The following KIF21A variants were observed in gnomAD, a reference collection of about 807,000 sequenced individuals.
KIF21A encodes the protein kinesin-like protein KIF21A.
A neutral mutation model predicts 202.9 loss-of-function variants in KIF21A; 114 were observed. That is an observed-to-expected ratio of 0.56 (90% CI 0.48 to 0.66). The LOEUF is 0.66. KIF21A is among the 30% of genes least tolerant of loss of function. The pLI is 0.00. For missense variants in KIF21A, 1,677 were observed against 1,994.9 expected, an observed-to-expected ratio of 0.84 and a Z score of 3.04; for synonymous variants, 667 against 670.8, an observed-to-expected ratio of 0.99 and a Z score of 0.09.
chr12:39,416,770 T>TAG (rs1592651243), intron 1 of KIF21A, among the ~76,000 whole-genome samples: 9 of 138,862 alleles, frequency 6.5e-5, no homozygotes, highest in South Asian at 4.7e-4. Context: ...TGTGTATATA[T>TAG]ATATGTACAT....
chr12:39,363,540 C>T (rs902266932), intron 6 of KIF21A, among the ~76,000 whole-genome samples: 2 of 152,118 alleles, frequency 1.3e-5, no homozygotes, highest in Non-Finnish European at 2.9e-5. Flanking sequence ...ATTCATGTTA[C>T]GCATTCTTCT....
At chr12:39,420,011 T>C (rs1411954569) in intron 1 of KIF21A, among the ~76,000 whole-genome samples, 1 of 140,446 alleles carries the variant, frequency 7.1e-6, no homozygotes, top group Non-Finnish European at 1.5e-5. Context: ...GGAGACCAGA[T>C]GTATAAATAA....
intron 1 of KIF21A, among the ~76,000 whole-genome samples, chr12:39,387,237 C>G (rs1951011590): frequency 6.6e-6 from 1 of 151,582 alleles, no homozygotes; most frequent in South Asian, 2.1e-4. Flanking sequence ...GACTGTCCAA[C>G]TCAAAGACAA....
Position 39,357,446 on chromosome 12 carries a change from G to GC in KIF21A, c.1216-10_1216-9insG. Reference sequence around the variant, plus strand: ...TCAATTATTCTTTTACCCTAGTAAAGGAAAATAATGTCCTTGTTGGTTGAG... The same window carrying GC: ...TCAATTATTCTTTTACCCTAGTAAAGCGAAAATAATGTCCTTGTTGGTTGAG... On this transcript the variant is annotated splice_polypyrimidine_tract_variant and intron_variant, in intron 8 of 37. Coordinates refer to ENST00000361418, the MANE Select transcript of KIF21A (RefSeq NM_001173464.2). 1 of 1,608,512 alleles carries GC rather than the reference G, an allele frequency of 6.2e-7. No homozygotes were observed. The highest frequency in any genetic ancestry group is 8.5e-7 in the Non-Finnish European group (1 of 1,175,162).
intron 10 of KIF21A, among the ~76,000 whole-genome samples, chr12:39,354,374 T>G (rs768884360): frequency 6.6e-6 from 1 of 152,162 alleles, no homozygotes; most frequent in Non-Finnish European, 1.5e-5. Context: ...CGTTAAAGTA[T>G]TCATTGGAAA....
intron 11 of KIF21A, among the ~76,000 whole-genome samples, chr12:39,351,059 A>G (rs1948332286): frequency 6.6e-6 from 1 of 152,086 alleles, no homozygotes. Context: ...GCACCATAGA[A>G]TCAGTGTGTA....
In KIF21A at chr12:39,332,878, C is replaced by G; in HGVS notation, c.2702+15G>C. ...GCCAAGAAGATTACATCAGCAGGAA[C>G]AGAATTATGTAGACCTGTTTCCATT... On this transcript the variant is annotated intron_variant, in intron 19 of 37. Coordinates refer to ENST00000361418, the MANE Select transcript of KIF21A (RefSeq NM_001173464.2). 6.2e-7 allele frequency: 1 copy of G among 1,612,272 alleles called. No homozygotes were observed. The highest frequency in any genetic ancestry group is 8.5e-7 in the Non-Finnish European group (1 of 1,179,006).
intron 27 of KIF21A, among the ~76,000 whole-genome samples, chr12:39,320,932 CA>C (rs59613512): frequency 0.044 from 707 of 16,120 alleles, 1 homozygote; most frequent in African/African-American, 0.065. Context: ...AAGACTCTGC[CA>C]AAAAAAAAAA....
In KIF21A at chr12:39,303,107, C is replaced by T; in HGVS notation, c.4589G>A (p.Gly1530Glu). 1 of 1,613,920 alleles carries T rather than the reference C, an allele frequency of 6.2e-7. No individual in the cohort carries two copies. Among genetic ancestry groups the T allele is most frequent in the Non-Finnish European group, 8.5e-7 (1 of 1,179,942 alleles). The change falls in exon 36 of 38, where the codon GGG (glycine) becomes GAG (glutamate). Residue 1530 changes from glycine to glutamate, a missense_variant. Gly to Glu is a moderately conservative substitution (Grantham distance 98). Around this residue, in one of 3 missense-constraint regions of KIF21A, gnomAD observed 705 missense variants for 791.9 expected, o/e 0.89. Coordinates refer to ENST00000361418, the MANE Select transcript of KIF21A (RefSeq NM_001173464.2). The part of the protein sequence containing the change: ...KMFDVTEGAL[G>E]TVSPTHNFEP... ...AAAATTGTGGGTGGGACTCACAGTC[C>T]CAAGAGCTCCTTCTGTAACATCAAA...
At chr12:39,415,601 C>A (rs1252232874) in intron 1 of KIF21A, among the ~76,000 whole-genome samples, 1 of 152,174 alleles carries the variant, frequency 6.6e-6, no homozygotes, top group Admixed American at 6.5e-5. Flanking sequence ...TCCCTTATGT[C>A]TGAGAAGCTT....
intron 22 of KIF21A, 107 bp from the exon 23 acceptor site, chr12:39,331,018 T>C: frequency 1.7e-6 from 2 of 1,154,090 alleles, no homozygotes; most frequent in African/African-American, 1.5e-5. Flanking sequence ...TGACATCAGA[T>C]AGACCTCGAG....
chr12:39,326,273 G>T lies in KIF21A; in HGVS notation c.3392C>A (p.Ser1131Ter). The part of the protein sequence containing the change: ...DEDAPLNSPG[S>*]EGSTLSSDLM... ...CTAAAGGCCTTCTTACCTTCCTTCT[G>T]ATCCTGGGCTGTTTAAAGGAGCATC... Residue 1131 changes from serine (S) to a stop codon, truncating the protein, a stop_gained, in exon 25 of 38, where the codon TCA becomes TAA. Transcript: ENST00000361418. LOFTEE classifies it high-confidence loss of function. 1 of 1,609,962 alleles carries T rather than the reference G, an allele frequency of 6.2e-7. No homozygotes were observed. The highest frequency in any genetic ancestry group is 8.5e-7 in the Non-Finnish European group (1 of 1,176,562).
chr12:39,441,926 A>G (rs752615677), intron 1 of KIF21A, among the ~76,000 whole-genome samples: 2 of 152,140 alleles, frequency 1.3e-5, no homozygotes, highest in Non-Finnish European at 2.9e-5. Flanking sequence ...GTGAATTAAC[A>G]GTAGACTCTC....
chr12:39,413,516 A>G (rs1028038540), intron 1 of KIF21A, among the ~76,000 whole-genome samples: 6 of 152,242 alleles, frequency 3.9e-5, no homozygotes, highest in Non-Finnish European at 7.3e-5. Context: ...TTCTAAAAGA[A>G]CAAAATTAAT....
intron 25 of KIF21A, 60 bp downstream of exon 25, chr12:39,326,204 G>T: frequency 8.2e-7 from 1 of 1,214,438 alleles, no homozygotes; most frequent in Non-Finnish European, 1.2e-6. Context: ...TTTGATACAA[G>T]ATGAAAGTAT....
At chr12:39,416,826 CAT>C (rs1179481100) in intron 1 of KIF21A, among the ~76,000 whole-genome samples, 6 of 124,762 alleles carry the variant, frequency 4.8e-5, no homozygotes, top group South Asian at 2.9e-4. Flanking sequence ...TATATATGTA[CAT>C]ATATGTGTAT....
intron 1 of KIF21A, among the ~76,000 whole-genome samples, chr12:39,409,204 G>GT (rs549482450): frequency 7.6e-4 from 116 of 151,830 alleles, no homozygotes; most frequent in Admixed American, 1.7e-3. Flanking sequence ...GCTTAGAGAT[G>GT]TAAGAATCAA....
chr12:39,366,277 A>G (rs927540676), intron 6 of KIF21A, 73 bp downstream of exon 6: 1 of 1,335,636 alleles, frequency 7.5e-7, no homozygotes, highest in African/African-American at 1.4e-5. Context: ...CCATATGGAT[A>G]TTATAAATTA....
At chr12:39,315,713 C>T (rs1312443945) in intron 30 of KIF21A, 1 of 598,748 alleles carries the variant, frequency 1.7e-6, no homozygotes, top group Admixed American at 3.0e-5. Context: ...ACAGGTATCA[C>T]AATTTTTAAA....
Sources: gnomAD v4.1 joint callset for allele counts (sites outside exome capture counted in the v4.1 genomes callset) on GRCh38, gnomAD v4.1.1 for gene constraint, gnomAD v4.1.1 regional missense constraint, MANE v1.5 for transcripts, NCBI Gene and HGNC (gene_info 2026-07-23, HGNC 2026-07-21) for gene names.